The following TMEM204 variants were observed in gnomAD, a reference collection of about 807,000 sequenced individuals.
TMEM204 encodes the protein claudin-like protein 24.
In TMEM204, 15 loss-of-function variants were observed where a neutral mutation model predicts 19.4. The ratio of observed to expected loss-of-function variants is 0.77; its 90% CI spans 0.52 to 1.19. TMEM204 has a LOEUF of 1.19. TMEM204 is among the 50% of genes most tolerant of loss of function. The probability of loss-of-function intolerance (pLI) is 0.00; values close to 1 mark genes in which losing one functional copy is unlikely to be tolerated. For synonymous variants in TMEM204, 161 were observed against 146.0 expected (o/e 1.10, Z -0.74); for missense variants, 287 against 321.2 (o/e 0.89, Z 0.81).
intron 1 of TMEM204, among the ~76,000 whole-genome samples, chr16:1,537,686 C>G (rs886869226): frequency 6.6e-6 from 1 of 152,218 alleles, no homozygotes; most frequent in African/African-American, 2.4e-5. Flanking sequence ...CTCACTTCGT[C>G]TCGTTTTGGA....
rs548052512 is a variant in TMEM204 at position 1,553,767 on chromosome 16, T to C, written c.437-1015T>C. 7 of 1,174,434 alleles carry C rather than the reference T, an allele frequency of 6.0e-6. No individual in the cohort carries two copies. The highest frequency in any genetic ancestry group is 5.9e-5 in the East Asian group (1 of 17,022). 72.8% of individuals were successfully genotyped at this position (1,174,434 alleles called of 1,614,324 possible). On this transcript the variant is annotated intron_variant, in intron 2 of 2. Transcript: ENST00000566264. This position sits in a 1 kb window ranked among gnomAD's most constrained non-coding sequence, Gnocchi z 4.4. Reference sequence around the variant, plus strand: ...TAGGGGATGAGGAGGGGCAGGGCCATGTGGACAGCCTCTCCTCCATCCTAG... The same window carrying C: ...TAGGGGATGAGGAGGGGCAGGGCCACGTGGACAGCCTCTCCTCCATCCTAG...
intron 1 of TMEM204, 114 bp downstream of exon 1, chr16:1,534,669 C>T (rs1420228109): frequency 1.4e-6 from 2 of 1,473,122 alleles, no homozygotes; most frequent in Non-Finnish European, 1.9e-6. Context: ...CTGCTCTGCC[C>T]TGAGCGTGGC....
chr16:1,533,242 C>G (rs888012522), upstream of TMEM204: 1 of 152,306 alleles, frequency 6.6e-6, no homozygotes, highest in African/African-American at 2.4e-5. The surrounding 1 kb of genome is among the most constrained non-coding windows in gnomAD (Gnocchi z 4.7). Flanking sequence ...ATCTGCCCCC[C>G]TTTTGAGGGC....
At chr16:1,530,674 G>T (rs765533216), upstream of TMEM204, 3 of 149,516 alleles carry the variant, frequency 2.0e-5, no homozygotes, top group Admixed American at 6.6e-5. Context: ...TGAACGCCCC[G>T]TCTCTCCCAC....
At chr16:1,538,886 G>A (rs2031337038) in intron 1 of TMEM204, among the ~76,000 whole-genome samples, 2 of 152,198 alleles carry the variant, frequency 1.3e-5, no homozygotes, top group Admixed American at 6.5e-5. Context: ...GTCAGCCAGG[G>A]CAGTGTCTGC....
At chr16:1,540,584 G>C (rs1409864172) in intron 1 of TMEM204, among the ~76,000 whole-genome samples, 1 of 152,214 alleles carries the variant, frequency 6.6e-6, no homozygotes, top group Non-Finnish European at 1.5e-5. Flanking sequence ...ACATTCTGCT[G>C]CTCCCTGGAT....
Position 1,552,450 on chromosome 16 carries a change from C to T in TMEM204, c.437-2332C>T, listed in dbSNP as rs1233942490. 2.0e-5 allele frequency among the ~76,000 whole-genome samples: 3 copies of T among 152,236 alleles called. No individual in the cohort carries two copies. In the East Asian group the frequency reaches 5.8e-4, roughly 29 times the overall value. On this transcript the variant is annotated intron_variant, in intron 2 of 2. Coordinates refer to ENST00000566264, the MANE Select transcript of TMEM204 (RefSeq NM_024600.6). Reference sequence around the variant, plus strand: ...GACACCAGCACAACCCACACCCCACCGGCAGAAAGTGCCAGACCCCGTAAA... The same window carrying T: ...GACACCAGCACAACCCACACCCCACTGGCAGAAAGTGCCAGACCCCGTAAA...
intron 2 of TMEM204, 71 bp downstream of exon 2, chr16:1,542,147 T>C: frequency 6.9e-7 from 1 of 1,453,782 alleles, no homozygotes. Context: ...AGGAGGGTCC[T>C]GAGGCCTTGG....
chr16:1,549,768 A>C (rs771059654), intron 2 of TMEM204, among the ~76,000 whole-genome samples: 1 of 151,574 alleles, frequency 6.6e-6, no homozygotes, highest in Non-Finnish European at 1.5e-5. Flanking sequence ...AGCTTTCTAG[A>C]CTCATGACTC....
rs1005029122 is a variant in TMEM204, at chr16:1,553,226, ATCTGTCTCTGTG to A, written c.437-1544_437-1533del. ...TCTGTCTCTGTCTCTCTCTGTCTCCATCTGTCTCTGTGTCTGTCTCTGTCTCTCTGTATCTCT... is the reference window on the plus strand; with the variant it reads ...TCTGTCTCTGTCTCTCTCTGTCTCCATCTGTCTCTGTCTCTCTGTATCTCT... On this transcript the variant is annotated intron_variant, in intron 2 of 2. Transcript: ENST00000566264. The surrounding 1 kb of genome is among the most constrained non-coding windows in gnomAD (Gnocchi z 4.4). 2.4e-5 allele frequency: 23 copies of A among 976,066 alleles called. No individual in the cohort carries two copies. The highest frequency in any genetic ancestry group is 2.3e-4 in the African/African-American group (13 of 56,056). 60.5% of individuals were successfully genotyped at this position (976,066 alleles called of 1,614,324 possible). A position where few individuals can be genotyped will look rare whatever the true frequency, so the allele number is the denominator to read the frequency against.
chr16:1,531,001 G>C (rs889071399), upstream of TMEM204: 15 of 152,292 alleles, frequency 9.8e-5, no homozygotes, highest in African/African-American at 3.6e-4. The surrounding 1 kb of genome is among the most constrained non-coding windows in gnomAD (Gnocchi z 4.7). Context: ...CGCCAGAAGC[G>C]TCCAGACCCA....
chr16:1,542,254 AG>A (rs1403753533), intron 2 of TMEM204, among the ~76,000 whole-genome samples, 178 bp downstream of exon 2: 1 of 152,248 alleles, frequency 6.6e-6, no homozygotes, highest in African/African-American at 2.4e-5. Context: ...GCTGTAGGCA[AG>A]AATGATGAAA....
At chr16:1,529,681 C>A (rs538180247), upstream of TMEM204, among the ~76,000 whole-genome samples, 28 of 152,354 alleles carry the variant, frequency 1.8e-4, no homozygotes, top group African/African-American at 6.3e-4. Context: ...TTCTTTCTAA[C>A]AGCAGAAAAC....
intron 1 of TMEM204, among the ~76,000 whole-genome samples, chr16:1,539,978 G>A (rs1321783642): frequency 2.0e-5 from 3 of 152,214 alleles, no homozygotes; most frequent in African/African-American, 7.2e-5. Flanking sequence ...GAAAAGCCTG[G>A]CATCCAGGAA....
chr16:1,543,753 G>C (rs916751471), intron 2 of TMEM204, among the ~76,000 whole-genome samples: 1 of 152,208 alleles, frequency 6.6e-6, no homozygotes, highest in Non-Finnish European at 1.5e-5. Context: ...ACCCAGGCTA[G>C]GAAAGCTCCC....
rs1244933998 is a variant in TMEM204 at position 1,553,315 on chromosome 16, T to C, written c.437-1467T>C. The stretch of plus-strand genomic sequence containing the variant: ...GCCTGTCTCTCTGTGTCTCTGTCTC[T>C]GTGTCTCTGTCCCTGTGTCTCTTTT... On this transcript the variant is annotated intron_variant, in intron 2 of 2. Coordinates refer to ENST00000566264, the MANE Select transcript of TMEM204 (RefSeq NM_024600.6). The surrounding 1 kb of genome is among the most constrained non-coding windows in gnomAD (Gnocchi z 4.4). 7.1e-6 allele frequency: 7 copies of C among 984,850 alleles called. No individual in the cohort carries two copies. Among genetic ancestry groups the C allele is most frequent in the Non-Finnish European group, 8.4e-6 (7 of 829,514 alleles). 61.0% of individuals were successfully genotyped at this position (984,850 alleles called of 1,614,324 possible).
chr16:1,541,212 A>C, intron 1 of TMEM204: 1 of 985,416 alleles, frequency 1.0e-6, no homozygotes, highest in Non-Finnish European at 1.2e-6. Context: ...TGAGTGGGGA[A>C]GCAGGCCCTG....
chr16:1,540,947 C>G, intron 1 of TMEM204: 1 of 985,436 alleles, frequency 1.0e-6, no homozygotes, highest in Non-Finnish European at 1.2e-6. Flanking sequence ...CTGCAGCGTG[C>G]AGGGGCCTGG....
Position 1,541,955 on chromosome 16 carries a change from G to A in TMEM204, c.315G>A (p.Val105=). 6.2e-7 allele frequency: 1 copy of A among 1,608,924 alleles called. No homozygotes were observed. Among genetic ancestry groups the A allele is most frequent in the East Asian group, 2.2e-5 (1 of 44,776 alleles). The change falls in exon 2 of 3, where the codon GTG becomes GTA. Residue 105 remains valine, a synonymous_variant. Transcript: ENST00000566264. ...QFDMMRACNL[V]ATAALTAGQL... is the part of the protein sequence containing the mutation. Reference sequence around the variant, plus strand: ...ACATGATGCGCGCCTGCAACCTGGTGGCCACGGCCGCGCTCACCGCAGGCC... The same window carrying A: ...ACATGATGCGCGCCTGCAACCTGGTAGCCACGGCCGCGCTCACCGCAGGCC...
Sources: gnomAD v4.1 joint callset for allele counts (sites outside exome capture counted in the v4.1 genomes callset) on GRCh38, gnomAD v4.1.1 for gene constraint, Gnocchi (gnomAD v3.1) non-coding constraint, MANE v1.5 for transcripts, NCBI Gene and HGNC (gene_info 2026-07-23, HGNC 2026-07-21) for gene names.